Variants in ITIH6 observed in about 807,000 individuals in gnomAD.
ITIH6 encodes the protein inter-alpha-trypsin inhibitor heavy chain H6.
Under a neutral mutation model 58.2 loss-of-function variants are expected in ITIH6, and 60 were observed. That is an observed-to-expected ratio of 1.03 (90% confidence interval 0.84 to 1.28). The LOEUF is 1.28. Among genes scored for constraint, ITIH6 ranks in the 50% most tolerant of loss-of-function variants. The pLI is 0.00. For synonymous variants in ITIH6, 493 were observed against 417.4 expected (o/e 1.18, Z -2.21); for missense variants, 1,290 against 1,021.1 (o/e 1.26, Z -3.59).
intron 8 of ITIH6, among the ~76,000 whole-genome samples, chrX:54,756,116 G>A (rs184974922): frequency 7.4e-4 from 82 of 111,187 alleles, no homozygotes; most frequent in Admixed American, 2.0e-3. Flanking sequence ...GGATGGATAG[G>A]ATATTGGAGG....
intron 5 of ITIH6, among the ~76,000 whole-genome samples, chrX:54,779,906 A>C (rs1294391643): frequency 8.9e-6 from 1 of 112,058 alleles, no homozygotes; most frequent in African/African-American, 3.2e-5. Context: ...ATACAGAGAA[A>C]AAATCTATAA....
At chrX:54,789,395 A>T (rs1407019754) in intron 4 of ITIH6, among the ~76,000 whole-genome samples, 1 of 111,632 alleles carries the variant, frequency 9.0e-6, no homozygotes, top group Non-Finnish European at 1.9e-5. Flanking sequence ...GCTGTCAGGA[A>T]GCTCAGGGGC....
At chrX:54,767,965 T>G (rs1402643262) in intron 6 of ITIH6, among the ~76,000 whole-genome samples, 1 of 98,086 alleles carries the variant, frequency 1.0e-5, no homozygotes, top group Non-Finnish European at 2.0e-5. Context: ...TCTGTCTCAT[T>G]GATCTGTCTA....
intron 9 of ITIH6, 115 bp downstream of exon 9, chrX:54,754,902 A>G (rs1338783593): frequency 3.8e-6 from 2 of 532,835 alleles, no homozygotes; most frequent in Non-Finnish European, 6.3e-6. Context: ...AATGTTACAC[A>G]ACAATAGAAA....
chrX:54,774,030 T>A, intron 6 of ITIH6, 51 bp downstream of exon 6: 2 of 747,924 alleles, frequency 2.7e-6, no homozygotes, highest in Non-Finnish European at 4.0e-6. Flanking sequence ...CTCTCTGCTT[T>A]CTGGGTCTTC....
intron 5 of ITIH6, among the ~76,000 whole-genome samples, chrX:54,779,834 T>C (rs1265689813): frequency 9.2e-6 from 1 of 109,280 alleles, no homozygotes; most frequent in African/African-American, 3.3e-5. Flanking sequence ...AGACTACAAA[T>C]AAAGAGATGG....
intron 4 of ITIH6, 111 bp downstream of exon 4, chrX:54,790,726 G>T: frequency 1.0e-6 from 1 of 952,461 alleles, no homozygotes; most frequent in Non-Finnish European, 1.5e-6. Context: ...GAAGGAACTT[G>T]GCAGTGAGTA....
intron 5 of ITIH6, among the ~76,000 whole-genome samples, chrX:54,785,260 C>A (rs911279878): frequency 9.1e-6 from 1 of 109,830 alleles, no homozygotes; most frequent in African/African-American, 3.3e-5. Flanking sequence ...TTAATGGGTA[C>A]AAAGAAAAGT....
chrX:54,757,585 G>A lies in ITIH6; in HGVS notation c.2489C>T (p.Ala830Val), dbSNP rs1293461602. 8.3e-7 allele frequency: 1 copy of A among 1,208,224 alleles called. No homozygotes were observed. Among genetic ancestry groups the A allele is most frequent in the African/African-American group, 1.8e-5 (1 of 56,748 alleles). Residue 830 changes from alanine to valine, a missense_variant, in exon 8 of 13, where the codon GCT (alanine) becomes GTT (valine). Coordinates refer to ENST00000218436, the MANE Select transcript of ITIH6 (RefSeq NM_198510.3). ...YPLHTRPRVP[A>V]PKTRNNMPHL... Reference sequence around the variant, plus strand: ...TGGCATGTTGTTTCGGGTCTTGGGAGCAGGAACCCTAGGTCTGGTGTGTAG... The same window carrying A: ...TGGCATGTTGTTTCGGGTCTTGGGAACAGGAACCCTAGGTCTGGTGTGTAG...
Position 54,758,160 on chromosome X carries a change from G to A in ITIH6, c.1914C>T (p.Ser638=). Residue 638 remains serine, a synonymous_variant, in exon 8 of 13, where the codon AGC becomes AGT. Transcript: ENST00000218436. ...TGCTTACCCCTAGGCCATGCCTGCT[G>A]CTGGATGAGGGCATGATGGTGTCTG... The part of the protein sequence containing the change: ...AGPDTIMPSS[S]SRHGLGVSTA... The A allele has an allele frequency of 8.3e-7, 1 of 1,211,168 alleles. No homozygotes were observed. Among genetic ancestry groups the A allele is most frequent in the Non-Finnish European group, 1.1e-6 (1 of 894,866 alleles).
At chrX:54,778,996 GA>G (rs1405387820) in intron 5 of ITIH6, among the ~76,000 whole-genome samples, 1 of 112,010 alleles carries the variant, frequency 8.9e-6, no homozygotes, top group South Asian at 3.7e-4. Flanking sequence ...AATGCTGAAG[GA>G]AAAAACTACT....
In ITIH6 at chrX:54,791,932, C is replaced by G. The variant is rs1367672408; in HGVS notation, c.362G>C (p.Gly121Ala). Residue 121 changes from glycine to alanine, a missense_variant, in exon 3 of 13, where the codon GGC becomes GCC. Physicochemically the swap from Gly to Ala is moderately conservative, Grantham distance 60. Coordinates refer to ENST00000218436, the MANE Select transcript of ITIH6 (RefSeq NM_198510.3). ...HQQGKTAAHV[G>A]IRDRESEKFR... ...GGACTGGATGGGGCCTTACCTGATGCCTACATGAGCAGCTGTCTTTCCCTG... is the reference window on the plus strand; with the variant it reads ...GGACTGGATGGGGCCTTACCTGATGGCTACATGAGCAGCTGTCTTTCCCTG... 2 of 1,125,086 alleles carry G rather than the reference C, an allele frequency of 1.8e-6. No homozygotes were observed. Among genetic ancestry groups the G allele is most frequent in the Non-Finnish European group, 1.2e-6 (1 of 816,715 alleles). The allele number at this position is 1,125,086 out of a possible 1,213,427, so 92.7% of individuals were successfully genotyped here.
At chrX:54,754,041 G>T (rs910531760) in intron 9 of ITIH6, 76 bp from the exon 10 acceptor site, 3 of 1,002,747 alleles carry the variant, frequency 3.0e-6, no homozygotes, top group African/African-American at 3.7e-5. Flanking sequence ...CATACTCCCA[G>T]ATAAGGGCCA....
Position 54,757,121 on chromosome X carries a change from G to T in ITIH6, c.2953C>A (p.Pro985Thr). 1 of 1,209,980 alleles carries T rather than the reference G, an allele frequency of 8.3e-7. No homozygotes were observed. The highest frequency in any genetic ancestry group is 3.0e-5 in the East Asian group (1 of 33,761). Residue 985 changes from proline to threonine, a missense_variant, in exon 8 of 13, where the codon CCA becomes ACA. Transcript: ENST00000218436. Reference sequence around the variant, plus strand: ...AGGATGCTAGAAGGCAGCAAGATTGGCAGGTTTGGAGGGCTGCCTTCTGGT... The same window carrying T: ...AGGATGCTAGAAGGCAGCAAGATTGTCAGGTTTGGAGGGCTGCCTTCTGGT... ...PTPEGSPPNL[P>T]ILLPSSILPE...
chrX:54,751,711 G>C (rs1928365877), intron 11 of ITIH6, among the ~76,000 whole-genome samples: 1 of 112,045 alleles, frequency 8.9e-6, no homozygotes, highest in Non-Finnish European at 1.9e-5. Context: ...AAGGTGGTAT[G>C]TTAGAGTGCG....
chrX:54,768,038 A>T (rs1274703330), intron 6 of ITIH6, among the ~76,000 whole-genome samples: 3 of 101,072 alleles, frequency 3.0e-5, no homozygotes, highest in Non-Finnish European at 5.8e-5. Flanking sequence ...GTCTCTTTGT[A>T]GGTCACTCAG....
intron 5 of ITIH6, among the ~76,000 whole-genome samples, chrX:54,782,968 A>G (rs1429469314): frequency 8.9e-6 from 1 of 112,126 alleles, no homozygotes; most frequent in Non-Finnish European, 1.9e-5. Context: ...ACTTAACTCA[A>G]TAACACACTC....
intron 5 of ITIH6, among the ~76,000 whole-genome samples, chrX:54,774,403 C>T (rs1164874394): frequency 1.8e-5 from 2 of 112,851 alleles, no homozygotes; most frequent in Admixed American, 9.3e-5. Context: ...ACCTTCATCC[C>T]GGGGCCTGCC....
At chrX:54,765,598 T>TC (rs1321579454) in intron 6 of ITIH6, among the ~76,000 whole-genome samples, 2 of 100,423 alleles carry the variant, frequency 2.0e-5, no homozygotes, top group African/African-American at 7.2e-5. Context: ...TCTTTTCTTT[T>TC]TTTTTTTTTT....
Sources: gnomAD v4.1 joint callset for allele counts (sites outside exome capture counted in the v4.1 genomes callset) on GRCh38, gnomAD v4.1.1 for gene constraint, MANE v1.5 for transcripts, NCBI Gene and HGNC (gene_info 2026-07-23, HGNC 2026-07-21) for gene names.